PCDHA7: variants seen among roughly 807,000 people sequenced by gnomAD.
The protein encoded by PCDHA7 is protocadherin alpha-7.
Under a neutral mutation model 57.2 loss-of-function variants are expected in PCDHA7, and 37 were observed. The ratio of observed to expected loss-of-function variants is 0.65; its 90% CI spans 0.50 to 0.85. The LOEUF is 0.85. Ranked by LOEUF, PCDHA7 falls within the 40% of genes least tolerant of loss-of-function variation. PCDHA7 has a pLI of 0.00. For missense variants in PCDHA7, 1,188 were observed against 1,241.8 expected (o/e 0.96, Z 0.65); for synonymous variants, 553 against 558.8 (o/e 0.99, Z 0.15).
At position 141,009,850 on chromosome 5, in the gene PCDHA7, CAAGAAAAAG is replaced by C. The variant is rs782749911; in HGVS notation, c.2742_2750del (p.Lys915_Lys917del). 6.2e-6 allele frequency: 10 copies of C among 1,613,454 alleles called. No individual in the cohort carries two copies. The highest frequency in any genetic ancestry group is 1.7e-5 in the Admixed American group (1 of 59,950). ...TAACCTTCGGCAAAAAGGAGGAGAC[CAAGAAAAAG>C]AAGAAAAAGAAGAAGGGTAACAAGA... is the stretch of plus-strand genomic sequence containing the variant. On this transcript the variant is annotated inframe_deletion, in exon 4 of 4. Coordinates refer to ENST00000525929, the MANE Select transcript of PCDHA7 (RefSeq NM_018910.3).
chr5:140,865,389 A>T (rs1184678268), intron 1 of PCDHA7: 2 of 152,350 alleles, frequency 1.3e-5, no homozygotes, highest in Non-Finnish European at 2.9e-5. Flanking sequence ...GGGTAAAGTT[A>T]ATATAAATGC....
In PCDHA7 at chr5:140,981,687, ATCATTCATTCAT is replaced by A. The variant is rs200213847; in HGVS notation, c.2415-771_2415-760del. Among the ~76,000 whole-genome samples the A allele has an allele frequency of 3.0e-3, 453 of 152,088 alleles. 7 individuals are homozygous for A. In the East Asian group the frequency reaches 0.044, roughly 15 times the overall value. Reference sequence around the variant, plus strand: ...CTTCCTTTCTTCCTTCCTCCCTTCCATCATTCATTCATTCATTCATTCATTCATCCAACAAAT... The same window carrying A: ...CTTCCTTTCTTCCTTCCTCCCTTCCATCATTCATTCATTCATCCAACAAAT... On this transcript the variant is annotated intron_variant, in intron 2 of 3. Transcript: ENST00000525929.
chr5:140,882,482 G>A, intron 1 of PCDHA7: 1 of 1,614,048 alleles, frequency 6.2e-7, no homozygotes, highest in South Asian at 1.1e-5. Context: ...CAAAAGACAC[G>A]GGGACCTTCT....
chr5:140,859,825 T>C (rs752840072), intron 1 of PCDHA7: 1 of 152,250 alleles, frequency 6.6e-6, no homozygotes, highest in Admixed American at 6.5e-5. Flanking sequence ...AGTTTAGAAG[T>C]GTATTTGTTA....
intron 1 of PCDHA7, among the ~76,000 whole-genome samples, chr5:140,949,788 G>C (rs2094421903): frequency 6.6e-6 from 1 of 151,684 alleles, no homozygotes; most frequent in Non-Finnish European, 1.5e-5. Context: ...GTTTAGATTT[G>C]TGTCCTTCAA....
chr5:140,864,617 T>C (rs545757656), intron 1 of PCDHA7: 10 of 152,312 alleles, frequency 6.6e-5, no homozygotes, highest in African/African-American at 2.4e-4. Context: ...TTTGTTCTTT[T>C]TTAAAAAGAA....
chr5:140,858,219 C>A (rs1554151292), intron 1 of PCDHA7: 2 of 1,595,768 alleles, frequency 1.3e-6, no homozygotes, highest in Non-Finnish European at 8.6e-7. Flanking sequence ...TGCTCGGCGG[C>A]GCCCACCGAG....
chr5:140,961,748 A>G (rs2095633419), intron 1 of PCDHA7, among the ~76,000 whole-genome samples: 1 of 152,184 alleles, frequency 6.6e-6, no homozygotes, highest in Non-Finnish European at 1.5e-5. Flanking sequence ...GTAATATTAC[A>G]GTTTTGAAGG....
At chr5:140,983,142 CTTGGCATGCATG>C (rs1316699573) in intron 3 of PCDHA7, among the ~76,000 whole-genome samples, 4 of 152,212 alleles carry the variant, frequency 2.6e-5, no homozygotes, top group Admixed American at 6.5e-5. Flanking sequence ...CTTTTAGTGC[CTTGGCATGCATG>C]TTGCCAAACA....
intron 1 of PCDHA7, among the ~76,000 whole-genome samples, chr5:140,941,215 C>CTTTCTTTCTTTCTTTCTT (rs2092888517): frequency 9.6e-6 from 1 of 104,510 alleles, no homozygotes; most frequent in East Asian, 2.4e-4. Flanking sequence ...TTCTTTCTTC[C>CTTTCTTTCTTTCTTTCTT]TTTCTTTCTT....
At chr5:140,862,509 T>C in intron 1 of PCDHA7, 1 of 405,718 alleles carries the variant, frequency 2.5e-6, no homozygotes, top group Non-Finnish European at 5.0e-6. Context: ...GGGGACTCGC[T>C]TTCATTGTTG....
chr5:140,842,850 T>G (rs2150346345), intron 1 of PCDHA7: 1 of 1,593,838 alleles, frequency 6.3e-7, no homozygotes, highest in Non-Finnish European at 8.6e-7. Flanking sequence ...TACATTTCGG[T>G]GCACACGGAG....
intron 3 of PCDHA7, among the ~76,000 whole-genome samples, chr5:141,005,701 CAAAAAAAAAAAAAAAAA>C (rs59860837): frequency 2.6e-4 from 2 of 7,786 alleles, no homozygotes; most frequent in East Asian, 6.3e-3. Flanking sequence ...AACTCCGTCT[CAAAAAAAAAAAAAAAAA>C]AAAAAAAAAA....
intron 3 of PCDHA7, among the ~76,000 whole-genome samples, chr5:141,005,899 A>G (rs2098245270): frequency 6.6e-6 from 1 of 151,978 alleles, no homozygotes; most frequent in East Asian, 1.9e-4. Flanking sequence ...TCAAGCAATG[A>G]TTGCACCACT....
intron 1 of PCDHA7, chr5:140,929,046 C>CT (rs1229193922): frequency 6.2e-7 from 1 of 1,614,206 alleles, no homozygotes; most frequent in Non-Finnish European, 8.5e-7. Flanking sequence ...CTCAGAGCTG[C>CT]TGTCGCTCTA....
chr5:140,926,915 T>A, intron 1 of PCDHA7: 1 of 1,563,726 alleles, frequency 6.4e-7, no homozygotes, highest in Non-Finnish European at 8.7e-7. Flanking sequence ...GGGGTGGCAG[T>A]TTTATGTTTG....
rs541015740 is a variant in PCDHA7 at position 140,862,949 on chromosome 5, C to T, written c.2355+26211C>T. 3 of 542,876 alleles carry T rather than the reference C, an allele frequency of 5.5e-6. No individual in the cohort carries two copies. In the Admixed American group the frequency reaches 5.9e-5, roughly 11 times the overall value. The allele number at this position is 542,876 out of a possible 1,614,324, so 33.6% of individuals were successfully genotyped here. A position where few individuals can be genotyped will look rare whatever the true frequency, so the allele number is the denominator to read the frequency against. On this transcript the variant is annotated intron_variant, in intron 1 of 3. Transcript: ENST00000525929. The stretch of plus-strand genomic sequence containing the variant: ...TGGCGGCGCTGTGAGTGAGCTGGTG[C>T]GGTATTCAGTGGATGCAGGCCACTT...
intron 1 of PCDHA7, chr5:140,858,022 G>A (rs1554151044): frequency 1.3e-6 from 2 of 1,597,054 alleles, no homozygotes; most frequent in Non-Finnish European, 8.6e-7. Flanking sequence ...AGCCGTCGCT[G>A]ACGGCCACGG....
At chr5:140,876,684 C>T (rs973560970) in intron 1 of PCDHA7, 29 of 1,614,110 alleles carry the variant, frequency 1.8e-5, no homozygotes, top group Admixed American at 3.3e-5. Flanking sequence ...ACAAGAATTA[C>T]TACTCGTTGG....
Sources: gnomAD v4.1 joint callset for allele counts (sites outside exome capture counted in the v4.1 genomes callset) on GRCh38, gnomAD v4.1.1 for gene constraint, MANE v1.5 for transcripts, NCBI Gene and HGNC (gene_info 2026-07-23, HGNC 2026-07-21) for gene names.